AGPAT3: variants seen among roughly 807,000 people sequenced by gnomAD.
AGPAT3 encodes the protein 1-acyl-sn-glycerol-3-phosphate acyltransferase gamma.
In AGPAT3, 5 loss-of-function variants were observed where a neutral mutation model predicts 47.3. The ratio of observed to expected loss-of-function variants is 0.11; its 90% CI spans 0.06 to 0.22. The LOEUF (loss-of-function observed/expected upper bound fraction) is 0.22. Ranked by LOEUF, AGPAT3 falls within the 10% of genes least tolerant of loss-of-function variation. The probability of loss-of-function intolerance (pLI) is 1.00; values close to 1 mark genes in which losing one functional copy is unlikely to be tolerated. For missense variants in AGPAT3, 315 were observed against 493.0 expected (o/e 0.64, Z 3.42); for synonymous variants, 212 against 208.3 (o/e 1.02, Z -0.15).
chr21:43,921,851 C>G (rs1006757), intron 2 of AGPAT3, among the ~76,000 whole-genome samples: 64,270 of 151,810 alleles, frequency 0.42, 13,804 homozygotes, highest in East Asian at 0.53. Flanking sequence ...TACTAACCTC[C>G]TGACAGCCTC....
chr21:43,958,569 C>T (rs1167467855), intron 2 of AGPAT3, among the ~76,000 whole-genome samples: 6 of 139,490 alleles, frequency 4.3e-5, no homozygotes, highest in Admixed American at 7.1e-5. Flanking sequence ...GTGCGTGTGG[C>T]GTGTGTGTGG....
At chr21:43,914,177 G>C (rs1017288457) in intron 2 of AGPAT3, among the ~76,000 whole-genome samples, 3 of 152,122 alleles carry the variant, frequency 2.0e-5, no homozygotes, top group Non-Finnish European at 4.4e-5. Context: ...CATGAAGAAG[G>C]CTGTTGGAAC....
chr21:43,912,508 G>A (rs1437309221), intron 2 of AGPAT3, among the ~76,000 whole-genome samples: 1 of 152,232 alleles, frequency 6.6e-6, no homozygotes, highest in Non-Finnish European at 1.5e-5. Flanking sequence ...AGCTTGCTTT[G>A]TTCTTTCCAA....
At chr21:43,914,290 C>T (rs990831563) in intron 2 of AGPAT3, among the ~76,000 whole-genome samples, 2 of 152,194 alleles carry the variant, frequency 1.3e-5, no homozygotes, top group Non-Finnish European at 2.9e-5. Context: ...CACTCTTTCT[C>T]CTTGTGAATT....
intron 7 of AGPAT3, 31 bp downstream of exon 7, chr21:43,971,521 C>T (rs763347148): frequency 1.3e-6 from 2 of 1,599,070 alleles, no homozygotes; most frequent in South Asian, 1.1e-5. Flanking sequence ...TCTCGCGCCG[C>T]CCCCCATACC....
chr21:43,878,737 T>TC (rs1433915961), intron 1 of AGPAT3, among the ~76,000 whole-genome samples: 1 of 103,888 alleles, frequency 9.6e-6, no homozygotes, highest in Non-Finnish European at 1.8e-5. Context: ...TCCATTTGTC[T>TC]TTTTTTTTTT....
chr21:43,871,408 C>G (rs150382738), intron 1 of AGPAT3, among the ~76,000 whole-genome samples: 1 of 152,284 alleles, frequency 6.6e-6, no homozygotes, highest in Admixed American at 6.5e-5. Flanking sequence ...GAGACCCTCC[C>G]GTAAGATCTA....
rs536639188 is a variant in AGPAT3, at chr21:43,922,457, G to A, written c.-49+18438G>A. On this transcript the variant is annotated intron_variant, in intron 2 of 9. Coordinates refer to ENST00000291572, the MANE Select transcript of AGPAT3 (RefSeq NM_020132.5). This position sits in a 1 kb window ranked among gnomAD's most constrained non-coding sequence, Gnocchi z 4.9. Reference sequence around the variant, plus strand: ...TAACCCCACCCTCAAGGCAGGCAGCGAGTGGAGGAGAGTCTCCCTGGGACC... The same window carrying A: ...TAACCCCACCCTCAAGGCAGGCAGCAAGTGGAGGAGAGTCTCCCTGGGACC... 5.3e-5 allele frequency among the ~76,000 whole-genome samples: 8 copies of A among 151,866 alleles called. No individual in the cohort carries two copies. Among genetic ancestry groups the A allele is most frequent in the South Asian group, 2.1e-4 (1 of 4,784 alleles).
intron 1 of AGPAT3, among the ~76,000 whole-genome samples, chr21:43,887,731 C>T (rs991647244): frequency 6.6e-6 from 1 of 152,182 alleles, no homozygotes; most frequent in Non-Finnish European, 1.5e-5. Context: ...CTTAGCTCAC[C>T]GCAACCTCCA....
At chr21:43,937,994 G>T (rs1307541994) in intron 2 of AGPAT3, among the ~76,000 whole-genome samples, 1 of 152,116 alleles carries the variant, frequency 6.6e-6, no homozygotes, top group Non-Finnish European at 1.5e-5. Flanking sequence ...CAAGGAAGTT[G>T]TCTGGGTCCT....
At chr21:43,881,968 T>C (rs957225119) in intron 1 of AGPAT3, among the ~76,000 whole-genome samples, 1 of 152,260 alleles carries the variant, frequency 6.6e-6, no homozygotes, top group Non-Finnish European at 1.5e-5. Context: ...ATTAAAAACA[T>C]TTTTTTGCCA....
At chr21:43,865,576 C>T (rs918206561) in intron 1 of AGPAT3, among the ~76,000 whole-genome samples, 16 of 149,754 alleles carry the variant, frequency 1.1e-4, no homozygotes, top group African/African-American at 3.9e-4. Context: ...GCGCCCCCCG[C>T]AACCCCGGCC....
chr21:43,958,791 G>A (rs1292198817), intron 2 of AGPAT3, among the ~76,000 whole-genome samples: 1 of 148,936 alleles, frequency 6.7e-6, no homozygotes, highest in African/African-American at 2.5e-5. Flanking sequence ...TGTGGCATAT[G>A]TGTGGTTTGC....
At chr21:43,940,349 C>T (rs980381882) in intron 2 of AGPAT3, among the ~76,000 whole-genome samples, 1 of 152,176 alleles carries the variant, frequency 6.6e-6, no homozygotes, top group Non-Finnish European at 1.5e-5. Flanking sequence ...AGGCCGGGGC[C>T]CGGGGGCCTG....
chr21:43,959,371 T>C (rs1269547067), intron 2 of AGPAT3, among the ~76,000 whole-genome samples: 1 of 138,190 alleles, frequency 7.2e-6, no homozygotes, highest in South Asian at 2.4e-4. Flanking sequence ...CATGTGTGGT[T>C]TGTGGTGTGT....
chr21:43,968,238 G>T, intron 4 of AGPAT3, 123 bp downstream of exon 4: 1 of 1,215,860 alleles, frequency 8.2e-7, no homozygotes, highest in Admixed American at 2.2e-5. Context: ...GGGGTGGGGT[G>T]GTGACTGGGA....
At chr21:43,891,895 G>GTGA (rs1400846623) in intron 1 of AGPAT3, among the ~76,000 whole-genome samples, 1 of 152,122 alleles carries the variant, frequency 6.6e-6, no homozygotes, top group African/African-American at 2.4e-5. Context: ...ATCTAGAATG[G>GTGA]TGAATCCTTT....
intron 2 of AGPAT3, among the ~76,000 whole-genome samples, chr21:43,909,785 G>C (rs865873259): frequency 6.6e-6 from 1 of 152,204 alleles, no homozygotes; most frequent in African/African-American, 2.4e-5. Flanking sequence ...CCACTGGGTG[G>C]GACTTTGTTC....
intron 7 of AGPAT3, among the ~76,000 whole-genome samples, chr21:43,976,863 C>T (rs1346164191): frequency 6.6e-6 from 1 of 152,220 alleles, no homozygotes. Context: ...GTGGCAGCCC[C>T]TGAATCCCAG....
Sources: allele counts gnomAD v4.1 joint callset (sites outside exome capture counted in the v4.1 genomes callset), GRCh38; gene constraint gnomAD v4.1.1; non-coding constraint Gnocchi (gnomAD v3.1); transcripts MANE v1.5; gene names NCBI Gene and HGNC (gene_info 2026-07-23, HGNC 2026-07-21).